Variants in CCNB3 observed in about 807,000 individuals in gnomAD.
The protein encoded by CCNB3 is cyclin B3.
CCNB3 carries 12 observed loss-of-function variants against 68.0 expected under a neutral mutation model. That is an observed-to-expected ratio of 0.18 (90% confidence interval 0.11 to 0.29). The LOEUF (loss-of-function observed/expected upper bound fraction) is 0.29. Ranked by LOEUF, CCNB3 falls within the 10% of genes least tolerant of loss-of-function variation. The pLI, the probability that CCNB3 is intolerant of heterozygous loss-of-function variation, is 1.00. For missense variants in CCNB3, 904 were observed against 993.1 expected (o/e 0.91, Z 1.21); for synonymous variants, 354 against 388.9 (o/e 0.91, Z 1.06).
At chrX:50,223,709 C>G (rs1390901866) in intron 1 of CCNB3, among the ~76,000 whole-genome samples, 1 of 112,546 alleles carries the variant, frequency 8.9e-6, no homozygotes, top group Non-Finnish European at 1.9e-5. Context: ...TCAACCCCTG[C>G]TGGGAGGTGT....
intron 1 of CCNB3, among the ~76,000 whole-genome samples, chrX:50,208,530 C>G (rs1332208708): frequency 8.9e-6 from 1 of 111,911 alleles, no homozygotes; most frequent in African/African-American, 3.2e-5. Flanking sequence ...AAGACAATAT[C>G]GATGTTGGAT....
chrX:50,323,698 C>T (rs1227791832), intron 8 of CCNB3, among the ~76,000 whole-genome samples: 1 of 112,232 alleles, frequency 8.9e-6, no homozygotes, highest in African/African-American at 3.2e-5. Context: ...ACTTTATTTA[C>T]AATTTTTGCA....
At chrX:50,338,947 A>G (rs1380446287) in intron 8 of CCNB3, among the ~76,000 whole-genome samples, 1 of 111,813 alleles carries the variant, frequency 8.9e-6, no homozygotes, top group Non-Finnish European at 1.9e-5. Flanking sequence ...TCCTCTGCCC[A>G]TTTCCCAGTT....
intron 1 of CCNB3, among the ~76,000 whole-genome samples, chrX:50,228,275 T>A (rs1305204149): frequency 1.1e-5 from 1 of 92,433 alleles, no homozygotes; most frequent in Non-Finnish European, 2.1e-5. Context: ...TATAAATACA[T>A]ATGTAGAATA....
At chrX:50,327,775 A>T (rs1322682011) in intron 8 of CCNB3, among the ~76,000 whole-genome samples, 1 of 112,213 alleles carries the variant, frequency 8.9e-6, no homozygotes, top group Non-Finnish European at 1.9e-5. Context: ...AGGCAGAAGA[A>T]AAAGTCCATT....
intron 9 of CCNB3, among the ~76,000 whole-genome samples, chrX:50,343,713 A>AT (rs1417763812): frequency 1.3e-4 from 14 of 111,590 alleles, no homozygotes; most frequent in Non-Finnish European, 1.5e-4. Context: ...CTCAAAAGAA[A>AT]TTTTTTTTAA....
intron 9 of CCNB3, 61 bp from the exon 10 acceptor site, chrX:50,346,591 C>T: frequency 1.8e-6 from 2 of 1,126,096 alleles, no homozygotes; most frequent in Non-Finnish European, 1.2e-6. Context: ...TGACTTTTAC[C>T]TCTAAGCAGA....
At chrX:50,218,328 T>C (rs1239186583) in intron 1 of CCNB3, among the ~76,000 whole-genome samples, 9 of 111,561 alleles carry the variant, frequency 8.1e-5, no homozygotes, top group Non-Finnish European at 1.7e-4. Flanking sequence ...CATGTGCAGA[T>C]GGTGCAGGCT....
chrX:50,220,017 T>C (rs986612600), intron 1 of CCNB3, among the ~76,000 whole-genome samples: 182 of 111,601 alleles, frequency 1.6e-3, no homozygotes, highest in Middle Eastern at 0.014. Flanking sequence ...CTAGGAATTT[T>C]ATTCTCTTTG....
At chrX:50,220,167 G>C (rs1261215839) in intron 1 of CCNB3, among the ~76,000 whole-genome samples, 1 of 111,557 alleles carries the variant, frequency 9.0e-6, no homozygotes, top group Non-Finnish European at 1.9e-5. Flanking sequence ...GAGATTTTGG[G>C]CTGAGACGAT....
intron 1 of CCNB3, among the ~76,000 whole-genome samples, chrX:50,208,367 C>T (rs1464221162): frequency 8.9e-6 from 1 of 112,223 alleles, no homozygotes; most frequent in African/African-American, 3.2e-5. Flanking sequence ...TAACCCTGAA[C>T]CACACAGATT....
intron 1 of CCNB3, among the ~76,000 whole-genome samples, chrX:50,224,693 G>A (rs1935725902): frequency 9.0e-6 from 1 of 111,544 alleles, no homozygotes. Context: ...GTGCATCCCA[G>A]TGGGATACTT....
chrX:50,224,442 A>T (rs1935722841), intron 1 of CCNB3, among the ~76,000 whole-genome samples: 1 of 111,801 alleles, frequency 8.9e-6, no homozygotes, highest in East Asian at 2.8e-4. Flanking sequence ...ACCCAAAGAA[A>T]AGTTTAAGTC....
At chrX:50,343,721 T>A (rs1183585621) in intron 9 of CCNB3, among the ~76,000 whole-genome samples, 1 of 111,865 alleles carries the variant, frequency 8.9e-6, no homozygotes, top group Non-Finnish European at 1.9e-5. Flanking sequence ...AAATTTTTTT[T>A]AAAGAAGAAA....
chrX:50,224,435 C>G (rs1393816279), intron 1 of CCNB3, among the ~76,000 whole-genome samples: 1 of 111,249 alleles, frequency 9.0e-6, no homozygotes, highest in African/African-American at 3.3e-5. Flanking sequence ...GGATGGTACC[C>G]AAAGAAAAGT....
rs782667233 is a variant in CCNB3, at chrX:50,309,703, A to G, written c.1534A>G (p.Thr512Ala). The G allele has an allele frequency of 2.5e-6, 3 of 1,209,552 alleles. No individual in the cohort carries two copies. Among genetic ancestry groups the G allele is most frequent in the Non-Finnish European group, 3.4e-6 (3 of 894,513 alleles). Reference sequence around the variant, plus strand: ...CTTGAAGAAACCACTAATATTACAGACCACCTCTGGAGAAAAGTCACTTAT... The same window carrying G: ...CTTGAAGAAACCACTAATATTACAGGCCACCTCTGGAGAAAAGTCACTTAT... ...SHLKKPLILQ[T>A]TSGEKSLIKE... The change falls in exon 6 of 13, where the codon ACC (threonine) becomes GCC (alanine). Residue 512 changes from threonine (T) to alanine (A), a missense_variant. By Grantham distance (58) the Thr-to-Ala change is moderately conservative. Coordinates refer to ENST00000376042, the MANE Select transcript of CCNB3 (RefSeq NM_033031.3).
In CCNB3 at chrX:50,228,652, A is replaced by AATATATAGAATATATATAGAAT. The variant is rs1337195694; in HGVS notation, c.-113+23719_-113+23740dup. On this transcript the variant is annotated intron_variant, in intron 1 of 12. Coordinates refer to ENST00000376042, the MANE Select transcript of CCNB3 (RefSeq NM_033031.3). The stretch of plus-strand genomic sequence containing the variant: ...GAATATACATATAGAATATATATAG[A>AATATATAGAATATATATAGAAT]ATATATAGAATATATATAGAATATA... Among the ~76,000 whole-genome samples, 189 of 81,867 alleles carry AATATATAGAATATATATAGAAT rather than the reference A, an allele frequency of 2.3e-3. 2 individuals are homozygous for AATATATAGAATATATATAGAAT. The highest frequency in any genetic ancestry group is 8.8e-3 in the African/African-American group (186 of 21,215). The allele number at this position is 81,867 out of a possible 115,157, so 71.1% of individuals were successfully genotyped here.
chrX:50,208,942 A>G (rs1557205936), intron 1 of CCNB3, among the ~76,000 whole-genome samples: 1 of 111,819 alleles, frequency 8.9e-6, no homozygotes, highest in African/African-American at 3.3e-5. Flanking sequence ...CAAATGATAT[A>G]TTTCCTATTG....
At chrX:50,205,308 AGC>A (rs1935337472) in intron 1 of CCNB3, among the ~76,000 whole-genome samples, 1 of 111,150 alleles carries the variant, frequency 9.0e-6, no homozygotes, top group Non-Finnish European at 1.9e-5. Context: ...CGGGCGTGGT[AGC>A]GCGCGCCTGT....
Sources: allele counts gnomAD v4.1 joint callset (sites outside exome capture counted in the v4.1 genomes callset), GRCh38; gene constraint gnomAD v4.1.1; transcripts MANE v1.5; gene names NCBI Gene and HGNC (gene_info 2026-07-23, HGNC 2026-07-21).